CCN2: variants seen among roughly 807,000 people sequenced by gnomAD.
CCN2 encodes the protein cellular communication network factor 2.
A neutral mutation model predicts 33.2 loss-of-function variants in CCN2; 22 were observed. The observed-to-expected ratio is 0.66, with a 90% CI of 0.47 to 0.95. The LOEUF (loss-of-function observed/expected upper bound fraction) is 0.95. Among genes scored for constraint, CCN2 ranks in the 40% least tolerant of loss-of-function variants. The pLI, the probability that CCN2 is intolerant of heterozygous loss-of-function variation, is 0.00. For missense variants in CCN2, 469 were observed against 498.8 expected, an observed-to-expected ratio of 0.94 and a Z score of 0.57; for synonymous variants, 178 against 200.6, an observed-to-expected ratio of 0.89 and a Z score of 0.95.
rs749452873 is a variant in CCN2, at chr6:131,950,277, G to C, written c.541+15C>G. The stretch of plus-strand genomic sequence containing the variant: ...AGAGAATCACGACCCTGACTTAGAG[G>C]AAGACTCGACTCACCCGCGAGGGCA... On this transcript the variant is annotated intron_variant, in intron 3 of 4. Transcript: ENST00000367976. This position sits in a 1 kb window ranked among gnomAD's most constrained non-coding sequence, Gnocchi z 7.1. 3 of 1,612,160 alleles carry C rather than the reference G, an allele frequency of 1.9e-6. No homozygotes were observed. The highest frequency in any genetic ancestry group is 1.1e-5 in the South Asian group (1 of 91,026).
rs967803038 is a variant in CCN2 at position 131,950,314 on chromosome 6, G to A, written c.519C>T (p.Thr173=). ...EWVCDEPKDQ[T]VVGPALAAYR... ...CACCCGCGAGGGCAGGCCCAACCACGGTTTGGTCCTTGGGCTCGTCACACA... is the reference window on the plus strand; with the variant it reads ...CACCCGCGAGGGCAGGCCCAACCACAGTTTGGTCCTTGGGCTCGTCACACA... The change falls in exon 3 of 5, where the codon ACC becomes ACT. Residue 173 remains threonine (T), a synonymous_variant. Coordinates refer to ENST00000367976, the MANE Select transcript of CCN2 (RefSeq NM_001901.4). This position sits in a 1 kb window ranked among gnomAD's most constrained non-coding sequence, Gnocchi z 7.1. The A allele has an allele frequency of 3.7e-6, 6 of 1,613,888 alleles. No homozygotes were observed. Among genetic ancestry groups the A allele is most frequent in the African/African-American group, 2.7e-5 (2 of 74,916 alleles).
At position 131,948,833 on chromosome 6, in the gene CCN2, T is replaced by C. The variant is rs79015632; in HGVS notation, c.*431A>G. On this transcript the variant is annotated 3_prime_UTR_variant, in exon 5 of 5. Transcript: ENST00000367976. The stretch of plus-strand genomic sequence containing the variant: ...TTAAGGAACAACTTGACTCAGTCTC[T>C]TGATGGCTGGAGAATGCACATCCTA... 1.3e-3 allele frequency: 255 copies of C among 199,372 alleles called. 1 individual carries two copies. The highest frequency in any genetic ancestry group is 5.5e-3 in the African/African-American group (241 of 43,970). 12.4% of individuals were successfully genotyped at this position (199,372 alleles called of 1,614,324 possible).
In CCN2 at chr6:131,950,231, A is replaced by C; in HGVS notation, c.541+61T>G. 6.2e-7 allele frequency: 1 copy of C among 1,610,780 alleles called. No individual in the cohort carries two copies. The highest frequency in any genetic ancestry group is 8.5e-7 in the Non-Finnish European group (1 of 1,177,472). ...GGTATTTCCCCCGTTCGGTCGGCAC[A>C]GTTAGGACTCCCTCCCTGGGAGAGA... On this transcript the variant is annotated intron_variant, in intron 3 of 4. Transcript: ENST00000367976. The surrounding 1 kb of genome is among the most constrained non-coding windows in gnomAD (Gnocchi z 7.1).
rs565153897 is a variant in CCN2 at position 131,950,125 on chromosome 6, T to C, written c.577A>G (p.Thr193Ala). ...RLEDTFGPDP[T>A]MIRANCLVQT... ...ACCAGGCAGTTGGCTCTAATCATAG[T>C]TGGGTCTGGGCCAAACGTGTCTTCC... is the stretch of plus-strand genomic sequence containing the variant. The change falls in exon 4 of 5, where the codon ACT becomes GCT. Residue 193 changes from threonine (T) to alanine (A), a missense_variant. Thr to Ala is a moderately conservative substitution (Grantham distance 58). Transcript: ENST00000367976. This position sits in a 1 kb window ranked among gnomAD's most constrained non-coding sequence, Gnocchi z 7.1. 1.1e-5 allele frequency: 17 copies of C among 1,614,242 alleles called. No homozygotes were observed. Among genetic ancestry groups the C allele is most frequent in the Admixed American group, 3.3e-5 (2 of 60,026 alleles).
chr6:131,950,164 C>A lies in CCN2; in HGVS notation c.542-4G>T. On this transcript the variant is annotated splice_polypyrimidine_tract_variant and splice_region_variant and intron_variant, in intron 3 of 4. Transcript: ENST00000367976. This position sits in a 1 kb window ranked among gnomAD's most constrained non-coding sequence, Gnocchi z 7.1. The stretch of plus-strand genomic sequence containing the variant: ...AACGTGTCTTCCAGTCGGTAAGCTG[C>A]GAGAGCAGAGCACACAAACACCATG... 1.2e-6 allele frequency: 2 copies of A among 1,614,216 alleles called. No individual in the cohort carries two copies. The highest frequency in any genetic ancestry group is 1.1e-5 in the South Asian group (1 of 91,082).
intron 4 of CCN2, among the ~76,000 whole-genome samples, 191 bp downstream of exon 4, chr6:131,949,758 C>T (rs976419772): frequency 2.0e-5 from 3 of 152,168 alleles, no homozygotes; most frequent in Non-Finnish European, 2.9e-5. Flanking sequence ...AATTAACTAA[C>T]CCTGTGGAAG....
chr6:131,949,734 C>T (rs911511833), intron 4 of CCN2, among the ~76,000 whole-genome samples, 174 bp from the exon 5 acceptor site: 1 of 152,208 alleles, frequency 6.6e-6, no homozygotes, highest in African/African-American at 2.4e-5. Flanking sequence ...CAGAGCCTCT[C>T]TTGGAATGTC....
At position 131,949,197 on chromosome 6, in the gene CCN2, C is replaced by T. The variant is rs547497771; in HGVS notation, c.*67G>A. On this transcript the variant is annotated 3_prime_UTR_variant, in exon 5 of 5. Coordinates refer to ENST00000367976, the MANE Select transcript of CCN2 (RefSeq NM_001901.4). ...ACTTGTGCTACTGAAATCATTTTTACGGAAAAATGAGATGTGAATCAGTTC... is the reference window on the plus strand; with the variant it reads ...ACTTGTGCTACTGAAATCATTTTTATGGAAAAATGAGATGTGAATCAGTTC... The T allele has an allele frequency of 5.5e-5, 77 of 1,393,696 alleles. No individual in the cohort carries two copies. The South Asian group carries it at 6.1e-4, about 11-fold the overall frequency. 86.3% of individuals were successfully genotyped at this position (1,393,696 alleles called of 1,614,324 possible).
At chr6:131,949,811 C>T (rs1783075163) in intron 4 of CCN2, 138 bp downstream of exon 4, 14 of 906,166 alleles carry the variant, frequency 1.5e-5, no homozygotes, top group Non-Finnish European at 2.1e-5. Flanking sequence ...CACAAGCTCT[C>T]ATTCCAGCAA....
In CCN2 at chr6:131,949,289, C is replaced by T; in HGVS notation, c.1025G>A (p.Arg342Lys). The change falls in exon 5 of 5, where the codon AGG (arginine) becomes AAG (lysine). Residue 342 changes from arginine to lysine, a missense_variant. By Grantham distance (26) the Arg-to-Lys change is conservative. Coordinates refer to ENST00000367976, the MANE Select transcript of CCN2 (RefSeq NM_001901.4). ...DNDIFESLYY[R>K]KMYGDMA Reference sequence around the variant, plus strand: ...TCATGCCATGTCTCCGTACATCTTCCTGTAGTACAGCGATTCAAAGATGTC... The same window carrying T: ...TCATGCCATGTCTCCGTACATCTTCTTGTAGTACAGCGATTCAAAGATGTC... 1.2e-6 allele frequency: 2 copies of T among 1,614,132 alleles called. No homozygotes were observed. The highest frequency in any genetic ancestry group is 1.7e-6 in the Non-Finnish European group (2 of 1,180,008).
At position 131,950,158 on chromosome 6, in the gene CCN2, A is replaced by G. The variant is rs759434407; in HGVS notation, c.544T>C (p.Tyr182His). ...GGGCCAAACGTGTCTTCCAGTCGGT[A>G]AGCTGCGAGAGCAGAGCACACAAAC... ...QTVVGPALAA[Y>H]RLEDTFGPDP... Residue 182 changes from tyrosine to histidine, a missense_variant and splice_region_variant, in exon 4 of 5, where the codon TAC becomes CAC. Physicochemically the swap from Tyr to His is moderately conservative, Grantham distance 83. Transcript: ENST00000367976. The surrounding 1 kb of genome is among the most constrained non-coding windows in gnomAD (Gnocchi z 7.1). 1.2e-5 allele frequency: 19 copies of G among 1,614,116 alleles called. No individual in the cohort carries two copies. The South Asian group carries it at 2.0e-4, about 17-fold the overall frequency.
At position 131,949,272 on chromosome 6, in the gene CCN2, T is replaced by C. The variant is rs1585879527; in HGVS notation, c.1042A>G (p.Met348Val). 1.2e-6 allele frequency: 2 copies of C among 1,613,320 alleles called. No individual in the cohort carries two copies. Among genetic ancestry groups the C allele is most frequent in the South Asian group, 2.2e-5 (2 of 91,078 alleles). Residue 348 changes from methionine to valine, a missense_variant, in exon 5 of 5, where the codon ATG becomes GTG. Transcript: ENST00000367976. Reference protein sequence around the residue: ...SLYYRKMYGDMA With the variant: ...SLYYRKMYGDVA ...TCTCTCACTCTCTGGCTTCATGCCA[T>C]GTCTCCGTACATCTTCCTGTAGTAC... is the stretch of plus-strand genomic sequence containing the variant.
In CCN2 at chr6:131,949,140, T is replaced by G; in HGVS notation, c.*124A>C. On this transcript the variant is annotated 3_prime_UTR_variant, in exon 5 of 5. Coordinates refer to ENST00000367976, the MANE Select transcript of CCN2 (RefSeq NM_001901.4). ...CAATGTTTTGAATTGGGTGGGAATC[T>G]TTTCCCCCAGTTAGAAAAACAGATT... 1 of 864,866 alleles carries G rather than the reference T, an allele frequency of 1.2e-6. No individual in the cohort carries two copies. The highest frequency in any genetic ancestry group is 1.8e-6 in the Non-Finnish European group (1 of 550,696). 53.6% of individuals were successfully genotyped at this position (864,866 alleles called of 1,614,324 possible).
In CCN2 at chr6:131,948,932, G is replaced by C. The variant is rs993997998; in HGVS notation, c.*332C>G. 3.3e-6 allele frequency: 1 copy of C among 299,042 alleles called. No homozygotes were observed. The allele number at this position is 299,042 out of a possible 1,614,324, so 18.5% of individuals were successfully genotyped here. A position where few individuals can be genotyped will look rare whatever the true frequency, so the allele number is the denominator to read the frequency against. On this transcript the variant is annotated 3_prime_UTR_variant, in exon 5 of 5. Coordinates refer to ENST00000367976, the MANE Select transcript of CCN2 (RefSeq NM_001901.4). ...TTCTCAATTACACTTCAAATAGCAGGCATATTACTCGTATAAGATGCTATC... is the reference window on the plus strand; with the variant it reads ...TTCTCAATTACACTTCAAATAGCAGCCATATTACTCGTATAAGATGCTATC...
chr6:131,949,237 T>A lies in CCN2; in HGVS notation c.*27A>T. Reference sequence around the variant, plus strand: ...TGAATCAGTTCAAGTTCCAGTCTAATGAGTTAATGTCTCTCACTCTCTGGC... The same window carrying A: ...TGAATCAGTTCAAGTTCCAGTCTAAAGAGTTAATGTCTCTCACTCTCTGGC... On this transcript the variant is annotated 3_prime_UTR_variant, in exon 5 of 5. Coordinates refer to ENST00000367976, the MANE Select transcript of CCN2 (RefSeq NM_001901.4). 4 of 1,585,300 alleles carry A rather than the reference T, an allele frequency of 2.5e-6. No individual in the cohort carries two copies. The highest frequency in any genetic ancestry group is 3.5e-6 in the Non-Finnish European group (4 of 1,154,872).
At position 131,950,427 on chromosome 6, in the gene CCN2, G is replaced by A; in HGVS notation, c.406C>T (p.Leu136=). The A allele has an allele frequency of 2.5e-6, 4 of 1,614,032 alleles. No homozygotes were observed. The highest frequency in any genetic ancestry group is 3.4e-6 in the Non-Finnish European group (4 of 1,180,034). ...CLDGAVGCMP[L]CSMDVRLPSP... ...GGCAGACGAACGTCCATGCTGCACAGGGGCATGCAGCCCACCGCCCCGTCC... is the reference window on the plus strand; with the variant it reads ...GGCAGACGAACGTCCATGCTGCACAAGGGCATGCAGCCCACCGCCCCGTCC... The change falls in exon 3 of 5, where the codon CTG becomes TTG. Residue 136 remains leucine (L), a synonymous_variant. Transcript: ENST00000367976. The surrounding 1 kb of genome is among the most constrained non-coding windows in gnomAD (Gnocchi z 7.1).
Position 131,949,183 on chromosome 6 carries a change from T to A in CCN2, c.*81A>T, listed in dbSNP as rs1040840389. ...AACAGATTTAAATAACTTGTGCTAC[T>A]GAAATCATTTTTACGGAAAAATGAG... On this transcript the variant is annotated 3_prime_UTR_variant, in exon 5 of 5. Transcript: ENST00000367976. The A allele has an allele frequency of 7.9e-7, 1 of 1,268,174 alleles. No homozygotes were observed. The highest frequency in any genetic ancestry group is 1.5e-5 in the African/African-American group (1 of 68,140). 78.6% of individuals were successfully genotyped at this position (1,268,174 alleles called of 1,614,324 possible).
At position 131,948,214 on chromosome 6, in the gene CCN2, G is replaced by A. The variant is rs1362077482; in HGVS notation, c.*1050C>T. 1 of 152,556 alleles carries A rather than the reference G, an allele frequency of 6.6e-6. No homozygotes were observed. The highest frequency in any genetic ancestry group is 1.5e-5 in the Non-Finnish European group (1 of 68,028). The allele number at this position is 152,556 out of a possible 1,614,324, so 9.5% of individuals were successfully genotyped here. ...TATACACTTTATTTTCAACTAGAAA[G>A]GTGCAAACATGTAACTTTTGGTCAC... On this transcript the variant is annotated 3_prime_UTR_variant, in exon 5 of 5. Coordinates refer to ENST00000367976, the MANE Select transcript of CCN2 (RefSeq NM_001901.4).
At position 131,949,937 on chromosome 6, in the gene CCN2, C is replaced by T. The variant is rs780970716; in HGVS notation, c.753+12G>A. ...TCCTGTGAAAAATAGTTAATAGGAG[C>T]AGAACATGTACCTTAATGTTCTCTT... On this transcript the variant is annotated intron_variant, in intron 4 of 4. Coordinates refer to ENST00000367976, the MANE Select transcript of CCN2 (RefSeq NM_001901.4). The T allele has an allele frequency of 1.2e-6, 2 of 1,611,986 alleles. No homozygotes were observed. Among genetic ancestry groups the T allele is most frequent in the Non-Finnish European group, 1.7e-6 (2 of 1,178,318 alleles).
Sources: gnomAD v4.1 joint callset for allele counts (sites outside exome capture counted in the v4.1 genomes callset) on GRCh38, gnomAD v4.1.1 for gene constraint, Gnocchi (gnomAD v3.1) non-coding constraint, MANE v1.5 for transcripts, NCBI Gene and HGNC (gene_info 2026-07-23, HGNC 2026-07-21) for gene names.